SPOCK3: variants seen among roughly 807,000 people sequenced by gnomAD.
SPOCK3 encodes the protein SPARC (osteonectin), cwcv and kazal like domains proteoglycan 3, also known as testican-3.
Under a neutral mutation model 56.6 loss-of-function variants are expected in SPOCK3, and 30 were observed. The observed-to-expected ratio is 0.53, with a 90% CI of 0.40 to 0.72. The LOEUF (loss-of-function observed/expected upper bound fraction) is 0.72, where lower values mean the gene tolerates loss of function less well. Ranked by LOEUF, SPOCK3 falls within the 30% of genes least tolerant of loss-of-function variation. The pLI is 0.00. For missense variants in SPOCK3, 527 were observed against 530.0 expected (o/e 0.99, Z 0.06); for synonymous variants, 196 against 183.3 (o/e 1.07, Z -0.56).
intron 7 of SPOCK3, among the ~76,000 whole-genome samples, chr4:166,764,946 A>G (rs1344559086): frequency 1.3e-5 from 2 of 152,094 alleles, no homozygotes; most frequent in Non-Finnish European, 2.9e-5. Flanking sequence ...ACCAGTGATG[A>G]TGAGCATTTT....
At chr4:166,946,642 C>A (rs1263092709) in intron 4 of SPOCK3, among the ~76,000 whole-genome samples, 1 of 152,120 alleles carries the variant, frequency 6.6e-6, no homozygotes, top group Non-Finnish European at 1.5e-5. Context: ...CTGGCCCTGC[C>A]CTGTCTCTTT....
intron 5 of SPOCK3, among the ~76,000 whole-genome samples, chr4:166,892,282 G>C (rs1490293494): frequency 6.6e-6 from 1 of 151,764 alleles, no homozygotes; most frequent in Non-Finnish European, 1.5e-5. Flanking sequence ...CTTTGCAAAA[G>C]TTACTTTATA....
At chr4:167,178,778 T>G (rs1432835362) in intron 2 of SPOCK3, among the ~76,000 whole-genome samples, 3 of 151,906 alleles carry the variant, frequency 2.0e-5, no homozygotes, top group Non-Finnish European at 4.4e-5. Flanking sequence ...ATAAAAACCA[T>G]GATTTCATAA....
intron 7 of SPOCK3, among the ~76,000 whole-genome samples, chr4:166,772,246 C>A (rs188640808): frequency 5.3e-4 from 80 of 152,048 alleles, no homozygotes; most frequent in African/African-American, 1.8e-3. Context: ...AGTAGTATGT[C>A]AAATGAACAA....
At chr4:166,769,597 AC>A in intron 7 of SPOCK3, among the ~76,000 whole-genome samples, 1 of 152,030 alleles carries the variant, frequency 6.6e-6, no homozygotes, top group Non-Finnish European at 1.5e-5. Context: ...GTCTGCCCCT[AC>A]TTGGGGGGTG....
In SPOCK3 at chr4:166,734,427, G is replaced by A. The variant is rs1171416659; in HGVS notation, c.*494C>T. On this transcript the variant is annotated 3_prime_UTR_variant, in exon 11 of 11. Coordinates refer to ENST00000357545, the MANE Select transcript of SPOCK3 (RefSeq NM_001040159.2). ...GTCACTTTGTTTTTCTTGCCATGTGGTATCTCTCTGTTATCCTGACTCAAC... is the reference window on the plus strand; with the variant it reads ...GTCACTTTGTTTTTCTTGCCATGTGATATCTCTCTGTTATCCTGACTCAAC... 1.3e-5 allele frequency: 2 copies of A among 152,078 alleles called. No individual in the cohort carries two copies. Among genetic ancestry groups the A allele is most frequent in the Admixed American group, 1.3e-4 (2 of 15,204 alleles). 9.4% of individuals were successfully genotyped at this position (152,078 alleles called of 1,614,324 possible).
intron 7 of SPOCK3, among the ~76,000 whole-genome samples, chr4:166,765,453 C>T (rs1304806504): frequency 6.6e-6 from 1 of 152,132 alleles, no homozygotes; most frequent in African/African-American, 2.4e-5. Flanking sequence ...AATCCTTTCC[C>T]CATTTCTTGT....
At chr4:166,989,541 T>C (rs1273878520) in intron 4 of SPOCK3, among the ~76,000 whole-genome samples, 1 of 152,074 alleles carries the variant, frequency 6.6e-6, no homozygotes, top group African/African-American at 2.4e-5. Flanking sequence ...TAAATAAGTG[T>C]TTAAGTTTGG....
chr4:167,075,585 A>C (rs1158249472), intron 2 of SPOCK3, among the ~76,000 whole-genome samples: 1 of 152,004 alleles, frequency 6.6e-6, no homozygotes, highest in South Asian at 2.1e-4. Flanking sequence ...GGAAAAGTAC[A>C]CTTAAATCAT....
At chr4:166,990,537 A>C (rs968141431) in intron 4 of SPOCK3, among the ~76,000 whole-genome samples, 1 of 152,140 alleles carries the variant, frequency 6.6e-6, no homozygotes, top group Non-Finnish European at 1.5e-5. Context: ...ATTTATCTAC[A>C]TTAGGCAGCA....
chr4:166,852,143 G>T (rs1248205099), intron 6 of SPOCK3, among the ~76,000 whole-genome samples: 1 of 151,442 alleles, frequency 6.6e-6, no homozygotes, highest in Non-Finnish European at 1.5e-5. Flanking sequence ...TCTGGGAACT[G>T]TTGTGGGTTG....
intron 8 of SPOCK3, among the ~76,000 whole-genome samples, chr4:166,745,050 T>C (rs1735398503): frequency 6.6e-6 from 1 of 152,176 alleles, no homozygotes; most frequent in African/African-American, 2.4e-5. Flanking sequence ...TGGAACCAAG[T>C]TGGAAAACAC....
At chr4:166,793,445 G>GA (rs572563720) in intron 6 of SPOCK3, among the ~76,000 whole-genome samples, 31 of 152,148 alleles carry the variant, frequency 2.0e-4, no homozygotes, top group Non-Finnish European at 3.5e-4. Flanking sequence ...CTGATGAGCT[G>GA]AAAAAAACAA....
chr4:166,907,626 G>GT (rs1736769837), intron 5 of SPOCK3, among the ~76,000 whole-genome samples: 1 of 152,114 alleles, frequency 6.6e-6, no homozygotes, highest in East Asian at 1.9e-4. Flanking sequence ...CAAAATCAGT[G>GT]TAAGGAGAGG....
In SPOCK3 at chr4:166,889,264, A is replaced by T. The variant is rs750223815; in HGVS notation, c.475-20T>A. ...TTTGCACTGTATAAAAAGAGAAAAAAAAAGTAATTCAAATGCTTTAGTTAT... is the reference window on the plus strand; with the variant it reads ...TTTGCACTGTATAAAAAGAGAAAAATAAAGTAATTCAAATGCTTTAGTTAT... On this transcript the variant is annotated intron_variant, in intron 5 of 10. Coordinates refer to ENST00000357545, the MANE Select transcript of SPOCK3 (RefSeq NM_001040159.2). 8 of 1,468,708 alleles carry T rather than the reference A, an allele frequency of 5.4e-6. No individual in the cohort carries two copies. In the African/African-American group the frequency reaches 1.1e-4, roughly 21 times the overall value. 91.0% of individuals were successfully genotyped at this position (1,468,708 alleles called of 1,614,324 possible). A position where few individuals can be genotyped will look rare whatever the true frequency, so the allele number is the denominator to read the frequency against.
At chr4:166,824,037 C>T (rs62353202) in intron 6 of SPOCK3, among the ~76,000 whole-genome samples, 5,212 of 152,048 alleles carry the variant, frequency 0.034, 95 homozygotes, top group African/African-American at 0.051. Context: ...GTGTCCCTTG[C>T]CCTGCTCCTG....
chr4:166,922,945 G>A (rs8180142), intron 4 of SPOCK3, among the ~76,000 whole-genome samples: 58,049 of 151,972 alleles, frequency 0.38, 12,426 homozygotes, highest in East Asian at 0.7. Context: ...GGATGTGTTA[G>A]TTTCCCATGT....
At chr4:166,751,712 C>T (rs1403365314) in intron 8 of SPOCK3, among the ~76,000 whole-genome samples, 2 of 152,052 alleles carry the variant, frequency 1.3e-5, no homozygotes, top group East Asian at 3.9e-4. Context: ...TCTTACACAA[C>T]AGCGTTTTCA....
chr4:166,768,485 T>A (rs1269736422), intron 7 of SPOCK3, among the ~76,000 whole-genome samples: 1 of 152,188 alleles, frequency 6.6e-6, no homozygotes, highest in Non-Finnish European at 1.5e-5. Flanking sequence ...GGTTGAAAAT[T>A]CTTTCCTTTA....
Sources: gnomAD v4.1 joint callset for allele counts (sites outside exome capture counted in the v4.1 genomes callset) on GRCh38, gnomAD v4.1.1 for gene constraint, MANE v1.5 for transcripts, NCBI Gene and HGNC (gene_info 2026-07-23, HGNC 2026-07-21) for gene names.